Variants in TANC1 observed in about 807,000 individuals in gnomAD.
The protein encoded by TANC1 is protein TANC1.
A neutral mutation model predicts 149.7 loss-of-function variants in TANC1; 77 were observed. The ratio of observed to expected loss-of-function variants is 0.51; its 90% CI spans 0.43 to 0.62. The LOEUF (loss-of-function observed/expected upper bound fraction) is 0.62, where lower values mean the gene tolerates loss of function less well. Ranked by LOEUF, TANC1 falls within the 20% of genes least tolerant of loss-of-function variation. The probability of loss-of-function intolerance (pLI) is 0.00; values close to 1 mark genes in which losing one functional copy is unlikely to be tolerated. For missense variants in TANC1, 1,985 were observed against 2,321.8 expected (o/e 0.85, Z 2.98); for synonymous variants, 854 against 925.0 (o/e 0.92, Z 1.39).
At chr2:159,057,454 A>G (rs2041935259) in intron 2 of TANC1, among the ~76,000 whole-genome samples, 1 of 152,194 alleles carries the variant, frequency 6.6e-6, no homozygotes, top group African/African-American at 2.4e-5. Flanking sequence ...GAAAACCTGC[A>G]ATTGCTAACC....
intron 7 of TANC1, among the ~76,000 whole-genome samples, chr2:159,152,591 G>A (rs1460012726): frequency 1.3e-5 from 2 of 150,500 alleles, no homozygotes; most frequent in African/African-American, 2.4e-5. Context: ...CTGGGCTAAT[G>A]CAATCCTCCC....
intron 2 of TANC1, among the ~76,000 whole-genome samples, chr2:159,043,503 A>T (rs920398043): frequency 6.6e-6 from 1 of 152,214 alleles, no homozygotes; most frequent in South Asian, 2.1e-4. Context: ...TCTTCAAAGA[A>T]ACTTAAAGTA....
intron 16 of TANC1, among the ~76,000 whole-genome samples, chr2:159,188,265 A>G (rs1559422971): frequency 6.6e-6 from 1 of 152,262 alleles, no homozygotes; most frequent in Admixed American, 6.5e-5. Context: ...AGTGTATTAA[A>G]TGTTGTCATA....
At chr2:159,041,179 G>T (rs561881768) in intron 2 of TANC1, among the ~76,000 whole-genome samples, 2 of 152,248 alleles carry the variant, frequency 1.3e-5, no homozygotes, top group East Asian at 3.9e-4. Context: ...GCACCCAGCT[G>T]TATGAGGTGT....
chr2:159,080,697 C>T (rs570614007), intron 3 of TANC1, among the ~76,000 whole-genome samples: 3 of 152,358 alleles, frequency 2.0e-5, no homozygotes, highest in Non-Finnish European at 4.4e-5. Context: ...GAGCGAGGGC[C>T]TGGAATGAAG....
intron 2 of TANC1, among the ~76,000 whole-genome samples, chr2:159,017,695 A>AATAT (rs70994255): frequency 1.1e-4 from 15 of 138,876 alleles, no homozygotes; most frequent in African/African-American, 1.6e-4. Context: ...ACAACAACAA[A>AATAT]ATATATATAT....
At chr2:158,997,159 G>A (rs1372907276) in intron 1 of TANC1, among the ~76,000 whole-genome samples, 1 of 152,136 alleles carries the variant, frequency 6.6e-6, no homozygotes, top group African/African-American at 2.4e-5. Flanking sequence ...CTGCATAAAC[G>A]CTGTACTCTA....
At chr2:159,026,985 C>T (rs1322032405) in intron 2 of TANC1, 1 of 152,080 alleles carries the variant, frequency 6.6e-6, no homozygotes, top group African/African-American at 2.4e-5. Context: ...ATCACCTACC[C>T]ACAGCCTTGG....
chr2:159,013,526 C>T (rs6735689), intron 2 of TANC1, among the ~76,000 whole-genome samples: 12,034 of 152,214 alleles, frequency 0.079, 731 homozygotes, highest in East Asian at 0.16. Context: ...TTTCACAATG[C>T]ATTATGAGTT....
intron 8 of TANC1, 90 bp downstream of exon 8, chr2:159,163,636 A>G (rs1376823261): frequency 1.4e-6 from 2 of 1,465,082 alleles, no homozygotes; most frequent in Non-Finnish European, 1.8e-6. Context: ...CACTCCAGAT[A>G]CAAGCCAGCT....
intron 3 of TANC1, among the ~76,000 whole-genome samples, chr2:159,093,697 T>C (rs2149878499): frequency 6.6e-6 from 1 of 152,276 alleles, no homozygotes; most frequent in South Asian, 2.1e-4. Flanking sequence ...TTGAGAGTGA[T>C]TATAGTGAGA....
intron 7 of TANC1, among the ~76,000 whole-genome samples, chr2:159,160,123 A>G (rs779680854): frequency 5.9e-5 from 9 of 152,218 alleles, no homozygotes; most frequent in Non-Finnish European, 1.2e-4. Context: ...TCACAGCCTT[A>G]TAAAATTTAA....
intron 4 of TANC1, among the ~76,000 whole-genome samples, chr2:159,124,055 G>A (rs543250815): frequency 1.3e-5 from 2 of 152,256 alleles, no homozygotes; most frequent in African/African-American, 2.4e-5. Flanking sequence ...CCGTGCCAGT[G>A]GGTTTCAAAC....
intron 17 of TANC1, among the ~76,000 whole-genome samples, chr2:159,194,791 A>G (rs13428276): frequency 0.034 from 5,135 of 152,338 alleles, 118 homozygotes; most frequent in African/African-American, 0.065. Flanking sequence ...CGATCTAGAA[A>G]GCACCAAGAT....
Position 159,230,727 on chromosome 2 carries a change from T to C in TANC1, c.5301T>C (p.Thr1767=). 6.2e-7 allele frequency: 1 copy of C among 1,614,202 alleles called. No homozygotes were observed. Among genetic ancestry groups the C allele is most frequent in the African/African-American group, 1.3e-5 (1 of 75,046 alleles). ...CAGCTGGCCTGCAGTCTGCTAACAC[T>C]GAGAAGCCCTCTCTCATGCAAGTGG... ...SSAAGLQSAN[T]EKPSLMQVGG... The change falls in exon 27 of 27, where the codon ACT becomes ACC. Residue 1767 remains threonine (T), a synonymous_variant. Coordinates refer to ENST00000263635, the MANE Select transcript of TANC1 (RefSeq NM_033394.3). This position sits in a 1 kb window ranked among gnomAD's most constrained non-coding sequence, Gnocchi z 4.4.
At chr2:159,042,762 A>G (rs1327917879) in intron 2 of TANC1, among the ~76,000 whole-genome samples, 1 of 152,002 alleles carries the variant, frequency 6.6e-6, no homozygotes, top group Non-Finnish European at 1.5e-5. Flanking sequence ...GGGAAGAGAA[A>G]GAGCAAAGGT....
intron 5 of TANC1, among the ~76,000 whole-genome samples, chr2:159,145,206 T>C (rs973821881): frequency 3.3e-5 from 5 of 152,176 alleles, no homozygotes; most frequent in African/African-American, 1.2e-4. Context: ...TGTCATGGAA[T>C]AGTGAGTTTA....
chr2:159,171,488 G>C (rs909944951), intron 10 of TANC1, among the ~76,000 whole-genome samples: 35 of 152,260 alleles, frequency 2.3e-4, no homozygotes, highest in Non-Finnish European at 2.6e-4. Flanking sequence ...ACCAGTCATA[G>C]TGGTGCCTGC....
At chr2:159,032,124 G>A (rs2039830830) in intron 2 of TANC1, among the ~76,000 whole-genome samples, 2 of 152,164 alleles carry the variant, frequency 1.3e-5, no homozygotes, top group Non-Finnish European at 2.9e-5. Context: ...TAGGGGGCGT[G>A]TCATTAATAC....
Sources: gnomAD v4.1 joint callset for allele counts (sites outside exome capture counted in the v4.1 genomes callset) on GRCh38, gnomAD v4.1.1 for gene constraint, Gnocchi (gnomAD v3.1) non-coding constraint, MANE v1.5 for transcripts, NCBI Gene and HGNC (gene_info 2026-07-23, HGNC 2026-07-21) for gene names.